The following PLXNA4 variants were observed in gnomAD, a reference collection of about 807,000 sequenced individuals.
PLXNA4 encodes plexin A4, also known as plexin-A4.
In PLXNA4, 44 loss-of-function variants were observed where a neutral mutation model predicts 191.8. The ratio of observed to expected loss-of-function variants is 0.23; its 90% CI spans 0.18 to 0.29. The LOEUF is 0.29. Ranked by LOEUF, PLXNA4 falls within the 10% of genes least tolerant of loss-of-function variation. PLXNA4 has a pLI of 1.00. For synonymous variants in PLXNA4, 1,082 were observed against 1,009.5 expected, an observed-to-expected ratio of 1.07 and a Z score of -1.36; for missense variants, 1,800 against 2,488.8, an observed-to-expected ratio of 0.72 and a Z score of 5.89.
intron 4 of PLXNA4, 44 bp downstream of exon 4, chr7:132,298,047 T>C: frequency 6.2e-7 from 1 of 1,613,152 alleles, no homozygotes; most frequent in Non-Finnish European, 8.5e-7. Context: ...CAGGCTAGTA[T>C]TTAACTGCAA....
chr7:132,400,061 C>T (rs1036046640), intron 3 of PLXNA4, among the ~76,000 whole-genome samples: 10 of 152,244 alleles, frequency 6.6e-5, no homozygotes, highest in East Asian at 5.8e-4. Flanking sequence ...CCTTACCCCA[C>T]GCCAGTCCAC....
At chr7:132,541,302 G>A (rs977371910) in intron 1 of PLXNA4, among the ~76,000 whole-genome samples, 2 of 152,176 alleles carry the variant, frequency 1.3e-5, no homozygotes, top group African/African-American at 4.8e-5. Context: ...GTGCTAAAAT[G>A]TTCCTTGCCC....
At position 132,610,759 on chromosome 7, in the gene PLXNA4, C is replaced by T. The variant is rs1473009708; in HGVS notation, c.-87+35169G>A. The stretch of plus-strand genomic sequence containing the variant: ...CTTTCCATTCATTTGCCTAAGGCTC[C>T]TCTTCTCCTCCCAGTTTCTGCCTCC... On this transcript the variant is annotated intron_variant, in intron 2 of 4. Coordinates refer to the PLXNA4 transcript ENST00000378539. Among the ~76,000 whole-genome samples, 7 of 152,196 alleles carry T rather than the reference C, an allele frequency of 4.6e-5. No individual in the cohort carries two copies. In the South Asian group the frequency reaches 1.4e-3, roughly 31 times the overall value.
At chr7:132,521,388 G>A in intron 1 of PLXNA4, among the ~76,000 whole-genome samples, 1 of 152,126 alleles carries the variant, frequency 6.6e-6, no homozygotes, top group Non-Finnish European at 1.5e-5. Context: ...GTACATGCCA[G>A]AAGAACATGT....
chr7:132,389,276 C>T (rs1805294062), intron 3 of PLXNA4, among the ~76,000 whole-genome samples: 1 of 152,158 alleles, frequency 6.6e-6, no homozygotes, highest in Non-Finnish European at 1.5e-5. Flanking sequence ...TAATCAGATC[C>T]TATTTGTTGT....
intron 25 of PLXNA4, among the ~76,000 whole-genome samples, chr7:132,149,424 A>G (rs1199489077): frequency 6.6e-6 from 1 of 152,224 alleles, no homozygotes; most frequent in Non-Finnish European, 1.5e-5. Flanking sequence ...TACTTGGTAC[A>G]AATCACGTGT....
chr7:132,385,043 T>C, intron 3 of PLXNA4: 1 of 1,461,590 alleles, frequency 6.8e-7, no homozygotes, highest in Non-Finnish European at 9.0e-7. Context: ...AAAGTCTTTT[T>C]TCCCTAAGGA....
intron 1 of PLXNA4, among the ~76,000 whole-genome samples, chr7:132,573,063 G>A (rs898959646): frequency 6.6e-6 from 1 of 151,398 alleles, no homozygotes; most frequent in Admixed American, 6.6e-5. Context: ...AAAGCCAAGA[G>A]GTAGATTAGC....
intron 4 of PLXNA4, among the ~76,000 whole-genome samples, chr7:132,243,823 C>T (rs1383413598): frequency 6.6e-6 from 1 of 152,106 alleles, no homozygotes; most frequent in African/African-American, 2.4e-5. Context: ...TACCTCTCCC[C>T]GACATCCCAG....
chr7:132,373,644 C>T (rs1349314246), intron 3 of PLXNA4, among the ~76,000 whole-genome samples: 1 of 152,186 alleles, frequency 6.6e-6, no homozygotes, highest in African/African-American at 2.4e-5. Context: ...CTTGAAACCC[C>T]TGGGCCTTCA....
Position 132,182,210 on chromosome 7 carries a change from G to A in PLXNA4, c.3159-20C>T. On this transcript the variant is annotated intron_variant, in intron 16 of 31. Transcript: ENST00000321063. The stretch of plus-strand genomic sequence containing the variant: ...TTTCCACTGAGCAGGAAGAAAGAAG[G>A]AGATGTGTAAATGATAAGTTCAGGA... 1 of 1,613,554 alleles carries A rather than the reference G, an allele frequency of 6.2e-7. No individual in the cohort carries two copies. Among genetic ancestry groups the A allele is most frequent in the Non-Finnish European group, 8.5e-7 (1 of 1,179,728 alleles).
At chr7:132,477,684 C>T (rs537455609) in intron 3 of PLXNA4, among the ~76,000 whole-genome samples, 6 of 152,234 alleles carry the variant, frequency 3.9e-5, no homozygotes, top group East Asian at 1.9e-4. Flanking sequence ...TTGTTACCTT[C>T]GGGCAGTACT....
chr7:132,637,124 T>C (rs946224716), intron 2 of PLXNA4, among the ~76,000 whole-genome samples: 8 of 152,222 alleles, frequency 5.3e-5, no homozygotes, highest in Non-Finnish European at 1.2e-4. Flanking sequence ...TTGATCATTC[T>C]CTTGGCTCTC....
intron 4 of PLXNA4, among the ~76,000 whole-genome samples, chr7:132,270,647 A>G (rs1800032210): frequency 6.6e-6 from 1 of 152,260 alleles, no homozygotes; most frequent in Admixed American, 6.5e-5. Flanking sequence ...TAATACCTCT[A>G]TGAAAATTCA....
At chr7:132,451,636 A>G (rs1252922164) in intron 3 of PLXNA4, among the ~76,000 whole-genome samples, 1 of 152,190 alleles carries the variant, frequency 6.6e-6, no homozygotes, top group Non-Finnish European at 1.5e-5. Flanking sequence ...CAGTGGGTAA[A>G]GGGCAGTGAG....
chr7:132,574,022 T>C (rs917849033), intron 1 of PLXNA4, among the ~76,000 whole-genome samples: 1 of 152,188 alleles, frequency 6.6e-6, no homozygotes, highest in Non-Finnish European at 1.5e-5. Flanking sequence ...GAAAACGTAA[T>C]GTATACTCCG....
chr7:132,410,034 G>C (rs1794386269), intron 3 of PLXNA4, among the ~76,000 whole-genome samples: 1 of 152,228 alleles, frequency 6.6e-6, no homozygotes, highest in Non-Finnish European at 1.5e-5. Flanking sequence ...GAGAGAAGCT[G>C]ACTGTAGTTG....
chr7:132,357,255 G>A (rs1185308843), intron 3 of PLXNA4, among the ~76,000 whole-genome samples: 1 of 152,178 alleles, frequency 6.6e-6, no homozygotes, highest in Non-Finnish European at 1.5e-5. Context: ...GGAGGCTGGA[G>A]AGCCAGCCTG....
intron 1 of PLXNA4, among the ~76,000 whole-genome samples, chr7:132,511,480 A>C (rs1212896128): frequency 6.6e-6 from 1 of 152,200 alleles, no homozygotes; most frequent in African/African-American, 2.4e-5. Context: ...AAATCCTGGG[A>C]TATCACCTAC....
Sources: allele counts gnomAD v4.1 joint callset (sites outside exome capture counted in the v4.1 genomes callset), GRCh38; gene constraint gnomAD v4.1.1; transcripts MANE v1.5; gene names NCBI Gene and HGNC (gene_info 2026-07-23, HGNC 2026-07-21).